The following GUCY2C variants were observed in gnomAD, a reference collection of about 807,000 sequenced individuals.
The protein encoded by GUCY2C is guanylyl cyclase C.
Under a neutral mutation model 131.1 loss-of-function variants are expected in GUCY2C, and 118 were observed. That is an observed-to-expected ratio of 0.90 (90% CI 0.78 to 1.05). The LOEUF (loss-of-function observed/expected upper bound fraction) is 1.05, where lower values mean the gene tolerates loss of function less well. Among genes scored for constraint, GUCY2C ranks in the 50% least tolerant of loss-of-function variants. GUCY2C has a pLI of 0.00. For synonymous variants in GUCY2C, 452 were observed against 457.8 expected, an observed-to-expected ratio of 0.99 and a Z score of 0.16; for missense variants, 1,161 against 1,304.4, an observed-to-expected ratio of 0.89 and a Z score of 1.69.
chr12:14,689,368 G>A (rs1340934089), intron 1 of GUCY2C, among the ~76,000 whole-genome samples: 1 of 152,062 alleles, frequency 6.6e-6, no homozygotes, highest in African/African-American at 2.4e-5. Flanking sequence ...TGTGTGTGGT[G>A]ATGGAGGTGG....
intron 2 of GUCY2C, among the ~76,000 whole-genome samples, chr12:14,686,934 C>T (rs902441365): frequency 7.9e-5 from 12 of 152,236 alleles, no homozygotes; most frequent in Admixed American, 2.0e-4. Flanking sequence ...AGTTTAGAGC[C>T]GTGGCTCTAC....
intron 1 of GUCY2C, among the ~76,000 whole-genome samples, chr12:14,690,967 C>T (rs138641282): frequency 6.3e-4 from 96 of 152,228 alleles, no homozygotes; most frequent in Admixed American, 3.3e-3. Context: ...CTTAGTTTCT[C>T]GCATGTAAAA....
At position 14,628,522 on chromosome 12, in the gene GUCY2C, G is replaced by A. The variant is rs1036975965; in HGVS notation, c.2249+124C>T. 25 of 647,742 alleles carry A rather than the reference G, an allele frequency of 3.9e-5. No homozygotes were observed. The East Asian group carries it at 6.1e-4, about 16-fold the overall frequency. 40.1% of individuals were successfully genotyped at this position (647,742 alleles called of 1,614,324 possible). A position where few individuals can be genotyped will look rare whatever the true frequency, so the allele number is the denominator to read the frequency against. Reference sequence around the variant, plus strand: ...ATCATTTTAATGTTATGAGGCAGTTGTTGGTTGCCACCTGGGATTTTTCAC... The same window carrying A: ...ATCATTTTAATGTTATGAGGCAGTTATTGGTTGCCACCTGGGATTTTTCAC... On this transcript the variant is annotated intron_variant, in intron 20 of 26. Transcript: ENST00000261170.
In GUCY2C at chr12:14,679,141, A is replaced by G. The variant is rs371338684; in HGVS notation, c.830+516T>C. Reference sequence around the variant, plus strand: ...AAATGGGGCTGACATTACCAGGAACAGTATTATTGAGTCTTTAGTTGATTT... The same window carrying G: ...AAATGGGGCTGACATTACCAGGAACGGTATTATTGAGTCTTTAGTTGATTT... On this transcript the variant is annotated intron_variant, in intron 6 of 26. Transcript: ENST00000261170. Among the ~76,000 whole-genome samples the G allele has an allele frequency of 5.3e-5, 8 of 152,366 alleles. No individual in the cohort carries two copies. The South Asian group carries it at 8.3e-4, about 16-fold the overall frequency.
intron 2 of GUCY2C, among the ~76,000 whole-genome samples, chr12:14,687,612 C>A (rs1476244544): frequency 6.6e-6 from 1 of 151,950 alleles, no homozygotes; most frequent in Admixed American, 6.6e-5. Context: ...AGAGGGAGAC[C>A]CTGTCTCAAA....
At chr12:14,695,549 C>T (rs768257266) in intron 1 of GUCY2C, among the ~76,000 whole-genome samples, 18 of 140,266 alleles carry the variant, frequency 1.3e-4, no homozygotes, top group Admixed American at 1.1e-3. Flanking sequence ...TGCAGTGAGC[C>T]GAGATCGTGC....
In GUCY2C at chr12:14,625,876, G is replaced by T. The variant is rs1354636280; in HGVS notation, c.2289C>A (p.Thr763=). ...HDQKNESYMD[T]LIRRLQLYSR... ...AATATAGCTGTAGACGTCGGATCAAGGTATCCATATAGCTTTCATTTTTTT... is the reference window on the plus strand; with the variant it reads ...AATATAGCTGTAGACGTCGGATCAATGTATCCATATAGCTTTCATTTTTTT... Residue 763 remains threonine, a synonymous_variant, in exon 21 of 27, where the codon ACC becomes ACA. Transcript: ENST00000261170. 1 of 1,613,552 alleles carries T rather than the reference G, an allele frequency of 6.2e-7. No homozygotes were observed. Among genetic ancestry groups the T allele is most frequent in the Non-Finnish European group, 8.5e-7 (1 of 1,179,564 alleles).
chr12:14,654,532 C>G (rs1003823211), intron 12 of GUCY2C, among the ~76,000 whole-genome samples: 2 of 152,156 alleles, frequency 1.3e-5, no homozygotes, highest in Admixed American at 1.3e-4. Flanking sequence ...GACCTATTTC[C>G]TTGGTCAGGT....
At position 14,619,023 on chromosome 12, in the gene GUCY2C, C is replaced by T. The variant is rs983543007; in HGVS notation, c.2875+188G>A. ...AAAAGTGGAAGAATAAAATAATTAT[C>T]AGTAAACAACAATGAAAGCAAATGT... On this transcript the variant is annotated intron_variant, in intron 24 of 26. Coordinates refer to ENST00000261170, the MANE Select transcript of GUCY2C (RefSeq NM_004963.4). 4.0e-5 allele frequency: 21 copies of T among 519,756 alleles called. No individual in the cohort carries two copies. The South Asian group carries it at 6.9e-4, about 17-fold the overall frequency. 32.2% of individuals were successfully genotyped at this position (519,756 alleles called of 1,614,324 possible).
chr12:14,664,407 G>A (rs1227110084), intron 10 of GUCY2C, among the ~76,000 whole-genome samples: 1 of 152,032 alleles, frequency 6.6e-6, no homozygotes, highest in Non-Finnish European at 1.5e-5. Flanking sequence ...GTATAAACTG[G>A]AGGGAATATG....
At chr12:14,652,463 T>C (rs141091951) in intron 13 of GUCY2C, among the ~76,000 whole-genome samples, 2 of 152,224 alleles carry the variant, frequency 1.3e-5, no homozygotes, top group East Asian at 1.9e-4. Flanking sequence ...ACATGAGCCA[T>C]TGTGCCCAGC....
chr12:14,689,296 G>A (rs1428255209), intron 1 of GUCY2C, among the ~76,000 whole-genome samples: 3 of 152,182 alleles, frequency 2.0e-5, no homozygotes, highest in Non-Finnish European at 4.4e-5. Context: ...GCAAGTGGGT[G>A]AAGGGAACTC....
At position 14,653,042 on chromosome 12, in the gene GUCY2C, A is replaced by G. The variant is rs377456246; in HGVS notation, c.1471-28T>C. ...GGCACAAGAAAAGGCTAATTATTCC[A>G]GAAGCTCCATATCTCATCCTACTCA... On this transcript the variant is annotated intron_variant, in intron 12 of 26. Transcript: ENST00000261170. The G allele has an allele frequency of 5.2e-6, 8 of 1,545,184 alleles. No individual in the cohort carries two copies. The African/African-American group carries it at 1.1e-4, about 21-fold the overall frequency.
chr12:14,614,205 A>G (rs1946709609), intron 26 of GUCY2C, among the ~76,000 whole-genome samples: 1 of 152,146 alleles, frequency 6.6e-6, no homozygotes, highest in African/African-American at 2.4e-5. Flanking sequence ...TAGCTTTGCC[A>G]TGCTTTATTG....
chr12:14,695,684 CTA>C (rs1403987054), intron 1 of GUCY2C, among the ~76,000 whole-genome samples: 7 of 150,934 alleles, frequency 4.6e-5, no homozygotes, highest in Non-Finnish European at 7.4e-5. Flanking sequence ...GATTTGGTGT[CTA>C]TGTGAAATTG....
intron 19 of GUCY2C, among the ~76,000 whole-genome samples, chr12:14,636,332 G>A (rs377700541): frequency 1.1e-4 from 17 of 152,190 alleles, no homozygotes; most frequent in East Asian, 3.9e-4. Flanking sequence ...GATACATTAC[G>A]TCAACAGAAT....
intron 26 of GUCY2C, 123 bp downstream of exon 26, chr12:14,614,744 T>C: frequency 1.6e-6 from 1 of 630,586 alleles, no homozygotes; most frequent in South Asian, 1.9e-5. Context: ...TTCTCATGTA[T>C]AGTCCCTTAC....
intron 10 of GUCY2C, chr12:14,665,864 G>A (rs917260987): frequency 3.9e-5 from 6 of 152,216 alleles, no homozygotes; most frequent in African/African-American, 1.4e-4. Flanking sequence ...CAAAGGTTGA[G>A]TTGCTGAAGC....
intron 10 of GUCY2C, among the ~76,000 whole-genome samples, chr12:14,666,919 G>C (rs575010673): frequency 4.6e-5 from 7 of 152,310 alleles, no homozygotes; most frequent in African/African-American, 1.7e-4. Context: ...GAGGTTGTTA[G>C]TTAACTGAGG....
Sources: gnomAD v4.1 joint callset for allele counts (sites outside exome capture counted in the v4.1 genomes callset) on GRCh38, gnomAD v4.1.1 for gene constraint, MANE v1.5 for transcripts, NCBI Gene and HGNC (gene_info 2026-07-23, HGNC 2026-07-21) for gene names.